The following PTBP3 variants were observed in gnomAD, a reference collection of about 807,000 sequenced individuals.
PTBP3 encodes polypyrimidine tract binding protein 3.
Under a neutral mutation model 58.7 loss-of-function variants are expected in PTBP3, and 20 were observed. The observed-to-expected ratio is 0.34, with a 90% CI of 0.24 to 0.50. PTBP3 has a LOEUF of 0.50. Ranked by LOEUF, PTBP3 falls within the 20% of genes least tolerant of loss-of-function variation. PTBP3 has a pLI of 0.98. For missense variants in PTBP3, 509 were observed against 637.2 expected (o/e 0.80, Z 2.17); for synonymous variants, 185 against 219.8 (o/e 0.84, Z 1.40).
chr9:112,365,907 G>A, the PTBP3 span, among the ~76,000 whole-genome samples: 1 of 152,208 alleles, frequency 6.6e-6, no homozygotes, highest in Admixed American at 6.5e-5. Context: ...CATTTTATAA[G>A]GGAAGCAGAG....
At chr9:112,301,772 G>T (rs997202456) in intron 1 of PTBP3, among the ~76,000 whole-genome samples, 3 of 152,150 alleles carry the variant, frequency 2.0e-5, no homozygotes, top group Non-Finnish European at 4.4e-5. Context: ...CTGTTTTGAT[G>T]GTGTACTATA....
At chr9:112,224,263 C>T in intron 12 of PTBP3, 53 bp from the exon 13 acceptor site, 1 of 1,091,720 alleles carries the variant, frequency 9.2e-7, no homozygotes, top group Non-Finnish European at 1.3e-6. Flanking sequence ...TCAAGTGAAG[C>T]AGATTAACTC....
Position 112,326,662 on chromosome 9 carries a change from T to C in PTBP3, c.-52+6808A>G, listed in dbSNP as rs146437089. ...GAAAAAGTCTAAAACATATTTGATA[T>C]GTAAGACTGTCATTTTCTTAAAATC... On this transcript the variant is annotated intron_variant, in intron 1 of 13. Transcript: ENST00000374257. Among the ~76,000 whole-genome samples the C allele has an allele frequency of 1.5e-3, 230 of 152,370 alleles. 2 individuals carry two copies. In the East Asian group the frequency reaches 0.04, roughly 26 times the overall value.
chr9:112,335,877 A>T (rs1424738573), upstream of PTBP3, among the ~76,000 whole-genome samples: 1 of 146,504 alleles, frequency 6.8e-6, no homozygotes, highest in Admixed American at 6.7e-5. Context: ...AGCCGAGATC[A>T]CACCACTGCA....
chr9:112,359,464 T>C, the PTBP3 span, among the ~76,000 whole-genome samples: 1 of 151,090 alleles, frequency 6.6e-6, no homozygotes, highest in Non-Finnish European at 1.5e-5. Flanking sequence ...AAAAAAGTTT[T>C]AGATGTAAAC....
At chr9:112,293,263 TGTGA>T (rs1257198601) in intron 2 of PTBP3, among the ~76,000 whole-genome samples, 2 of 152,218 alleles carry the variant, frequency 1.3e-5, no homozygotes, top group African/African-American at 2.4e-5. Flanking sequence ...GAAGGATTCC[TGTGA>T]GTATTAGCAA....
At chr9:112,228,353 T>C in intron 11 of PTBP3, 27 bp downstream of exon 11, 1 of 1,495,972 alleles carries the variant, frequency 6.7e-7, no homozygotes. Context: ...GTTCACATTA[T>C]TATTAATAAT....
the PTBP3 span, chr9:112,379,823 G>T: frequency 2.1e-6 from 1 of 482,928 alleles, no homozygotes; most frequent in Non-Finnish European, 3.7e-6. Flanking sequence ...TGGACGTAGC[G>T]GCTGACGCTG....
chr9:112,331,154 C>G (rs1367991175), intron 1 of PTBP3, among the ~76,000 whole-genome samples: 1 of 149,180 alleles, frequency 6.7e-6, no homozygotes, highest in African/African-American at 2.5e-5. Context: ...TGAGGAGGAA[C>G]TAGAAAGATA....
At chr9:112,244,789 A>C (rs1470699049) in intron 7 of PTBP3, among the ~76,000 whole-genome samples, 1 of 152,224 alleles carries the variant, frequency 6.6e-6, no homozygotes, top group Non-Finnish European at 1.5e-5. Context: ...TTGTAAATTC[A>C]ATGTAATCCC....
rs1836629132 is a variant in PTBP3, at chr9:112,262,298, ATTAGATGAAGTTTTTT to A, written c.516+121_516+136del. ...AAAAATTACCTCTAATTTCTATGAA[ATTAGATGAAGTTTTTT>A]TCATTATTTAAACAAATATATCAAC... On this transcript the variant is annotated intron_variant, in intron 5 of 13. Coordinates refer to ENST00000374257, the MANE Select transcript of PTBP3 (RefSeq NM_001163788.4). 6 of 704,442 alleles carry A rather than the reference ATTAGATGAAGTTTTTT, an allele frequency of 8.5e-6. No homozygotes were observed. In the African/African-American group the frequency reaches 1.1e-4, roughly 13 times the overall value. 43.6% of individuals were successfully genotyped at this position (704,442 alleles called of 1,614,324 possible).
Position 112,220,372 on chromosome 9 carries a change from C to T in PTBP3, c.*3479G>A, listed in dbSNP as rs10981319. 6.1e-3 allele frequency: 7,497 copies of T among 1,236,424 alleles called. 376 individuals carry two copies. The African/African-American group carries it at 0.11, about 18-fold the overall frequency. The allele number at this position is 1,236,424 out of a possible 1,614,324, so 76.6% of individuals were successfully genotyped here. A position where few individuals can be genotyped will look rare whatever the true frequency, so the allele number is the denominator to read the frequency against. ...ACTTGAGCCCAGGAGTTGGCGAGAC[C>T]CCTAAAAATAAAATAAAGTAAAATA... is the stretch of plus-strand genomic sequence containing the variant. On this transcript the variant is annotated 3_prime_UTR_variant, in exon 14 of 14. Transcript: ENST00000374257.
At chr9:112,307,225 G>A (rs1307542637) in intron 1 of PTBP3, among the ~76,000 whole-genome samples, 1 of 152,158 alleles carries the variant, frequency 6.6e-6, no homozygotes, top group Non-Finnish European at 1.5e-5. Context: ...GGCCAAGGTG[G>A]GGGGATCACT....
At chr9:112,295,217 C>T (rs1273213464) in intron 2 of PTBP3, among the ~76,000 whole-genome samples, 1 of 145,460 alleles carries the variant, frequency 6.9e-6, no homozygotes, top group African/African-American at 2.6e-5. Context: ...CCAGCCTGGG[C>T]GAGACAGAGC....
In PTBP3 at chr9:112,250,944, T is replaced by C. The variant is rs151297125; in HGVS notation, c.787A>G (p.Met263Val). 272 of 1,599,726 alleles carry C rather than the reference T, an allele frequency of 1.7e-4. No individual in the cohort carries two copies. Among genetic ancestry groups the C allele is most frequent in the Admixed American group, 7.8e-4 (45 of 57,638 alleles). ...GDGQPSLEPP[M>V]AAAFGAPGII... is the part of the protein sequence containing the mutation. ...AACTACTCACCAAAAGCAGCAGCCA[T>C]AGGGGGTTCAAGGGATGGCTGGCCA... Residue 263 changes from methionine (M) to valine (V), a missense_variant, in exon 7 of 14, where the codon ATG becomes GTG. By Grantham distance (21) the Met-to-Val change is conservative (BLOSUM62 1). This residue lies in a region of PTBP3 where 121 missense variants were observed against 114.8 expected (regional missense o/e 1.05). Coordinates refer to ENST00000374257, the MANE Select transcript of PTBP3 (RefSeq NM_001163788.4).
At chr9:112,256,533 T>A (rs182674961) in intron 5 of PTBP3, among the ~76,000 whole-genome samples, 1 of 151,214 alleles carries the variant, frequency 6.6e-6, no homozygotes, top group Non-Finnish European at 1.5e-5. Flanking sequence ...CAATATGCAA[T>A]TTTTTTTTCC....
intron 1 of PTBP3, chr9:112,298,541 C>A (rs772829648): frequency 2.0e-6 from 1 of 508,056 alleles, no homozygotes; most frequent in South Asian, 1.4e-5. Flanking sequence ...GATCTACCAC[C>A]AACATTTAAA....
chr9:112,251,952 C>T (rs1024272965), intron 6 of PTBP3, among the ~76,000 whole-genome samples: 1 of 152,094 alleles, frequency 6.6e-6, no homozygotes, highest in Non-Finnish European at 1.5e-5. Flanking sequence ...AAAAGTACCA[C>T]AAGCCATAGT....
chr9:112,237,982 A>G (rs1218357588), intron 7 of PTBP3, among the ~76,000 whole-genome samples: 1 of 152,174 alleles, frequency 6.6e-6, no homozygotes, highest in Non-Finnish European at 1.5e-5. Context: ...AATGATCCTG[A>G]ACGTAGAGCC....
Sources: gnomAD v4.1 joint callset for allele counts (sites outside exome capture counted in the v4.1 genomes callset) on GRCh38, gnomAD v4.1.1 for gene constraint, gnomAD v4.1.1 regional missense constraint, MANE v1.5 for transcripts, NCBI Gene and HGNC (gene_info 2026-07-23, HGNC 2026-07-21) for gene names.